The following NTNG1 variants were observed in gnomAD, a reference collection of about 807,000 sequenced individuals.
NTNG1 encodes netrin G1, also known as netrin-G1.
Under a neutral mutation model 54.0 loss-of-function variants are expected in NTNG1, and 16 were observed. The observed-to-expected ratio is 0.30, with a 90% CI of 0.20 to 0.45. The LOEUF (loss-of-function observed/expected upper bound fraction) is 0.45. Among genes scored for constraint, NTNG1 ranks in the 20% least tolerant of loss-of-function variants. NTNG1 has a pLI of 1.00. For synonymous variants in NTNG1, 255 were observed against 263.1 expected (o/e 0.97, Z 0.30); for missense variants, 530 against 678.7 (o/e 0.78, Z 2.43).
intron 2 of NTNG1, among the ~76,000 whole-genome samples, chr1:107,276,889 A>T (rs1455343626): frequency 6.7e-6 from 1 of 150,104 alleles, no homozygotes; most frequent in African/African-American, 2.5e-5. Context: ...TTTATCTTTG[A>T]TGGTGAATAG....
Position 107,168,974 on chromosome 1 carries a change from A to G in NTNG1, c.246+20135A>G, listed in dbSNP as rs1045267406. 8.5e-5 allele frequency among the ~76,000 whole-genome samples: 13 copies of G among 152,270 alleles called. No individual in the cohort carries two copies. In the South Asian group the frequency reaches 1.2e-3, roughly 15 times the overall value. ...CTTTTTCTATTCAATCTGTACCCAT[A>G]TTTAATGTATAGTTAAAATAAAACT... is the stretch of plus-strand genomic sequence containing the variant. On this transcript the variant is annotated intron_variant, in intron 2 of 7. Transcript: ENST00000370068.
intron 5 of NTNG1, among the ~76,000 whole-genome samples, chr1:107,422,090 A>G (rs904383357): frequency 6.6e-6 from 1 of 152,108 alleles, no homozygotes; most frequent in Non-Finnish European, 1.5e-5. Flanking sequence ...AAATGGGAAA[A>G]GGGAAACCAA....
chr1:107,227,465 T>G (rs1660763278), intron 2 of NTNG1, among the ~76,000 whole-genome samples: 2 of 152,138 alleles, frequency 1.3e-5, no homozygotes, highest in African/African-American at 4.8e-5. Context: ...TAACCTTCAT[T>G]ACATTTGTGT....
At chr1:107,239,641 A>T (rs1570933501) in intron 2 of NTNG1, among the ~76,000 whole-genome samples, 1 of 152,174 alleles carries the variant, frequency 6.6e-6, no homozygotes, top group Non-Finnish European at 1.5e-5. Flanking sequence ...AGTCTATCAG[A>T]CCCCTGACTG....
At chr1:107,456,407 A>G (rs1165663973) in intron 7 of NTNG1, among the ~76,000 whole-genome samples, 2 of 152,148 alleles carry the variant, frequency 1.3e-5, no homozygotes, top group African/African-American at 2.4e-5. Flanking sequence ...ACACAGCATG[A>G]GCAAGTTCTG....
chr1:107,225,251 G>A (rs1484699037), intron 2 of NTNG1, among the ~76,000 whole-genome samples: 1 of 152,100 alleles, frequency 6.6e-6, no homozygotes, highest in East Asian at 1.9e-4. Flanking sequence ...TTGGATAGGT[G>A]CTCTCTGGGG....
At position 107,204,513 on chromosome 1, in the gene NTNG1, C is replaced by T. The variant is rs189209986; in HGVS notation, c.246+55674C>T. Among the ~76,000 whole-genome samples the T allele has an allele frequency of 1.2e-3, 184 of 152,168 alleles. 2 individuals carry two copies. The highest frequency in any genetic ancestry group is 6.8e-3 in the Middle Eastern group (2 of 294). ...GGCCTAGCTGATCCCAACCTTCCAG[C>T]CATCTCTGCCAGGGAACCAGGCATG... is the stretch of plus-strand genomic sequence containing the variant. On this transcript the variant is annotated intron_variant, in intron 2 of 7. Transcript: ENST00000370068.
intron 3 of NTNG1, among the ~76,000 whole-genome samples, chr1:107,371,580 T>C (rs965173417): frequency 6.6e-6 from 1 of 152,068 alleles, no homozygotes; most frequent in Admixed American, 6.6e-5. Context: ...AAAAGCCTCA[T>C]ATTTATTAAA....
At position 107,483,399 on chromosome 1, in the gene NTNG1, T is replaced by A. The variant is rs1678844280; in HGVS notation, c.*2559T>A. 6.6e-6 allele frequency: 1 copy of A among 152,254 alleles called. No homozygotes were observed. Among genetic ancestry groups the A allele is most frequent in the South Asian group, 2.1e-4 (1 of 4,830 alleles). 9.4% of individuals were successfully genotyped at this position (152,254 alleles called of 1,614,324 possible). On this transcript the variant is annotated 3_prime_UTR_variant, in exon 8 of 8. Transcript: ENST00000370068. ...ATCTTTCATTCCGTGTATTTAGATA[T>A]AGTTTTCTGAATTTCCTGAAGCGAT... is the stretch of plus-strand genomic sequence containing the variant.
intron 3 of NTNG1, among the ~76,000 whole-genome samples, chr1:107,343,867 G>C (rs191501013): frequency 4.6e-5 from 7 of 152,252 alleles, no homozygotes; most frequent in Admixed American, 4.6e-4. Flanking sequence ...GTTTCCAAAG[G>C]GGGCTGCTGC....
intron 2 of NTNG1, among the ~76,000 whole-genome samples, chr1:107,161,899 T>A (rs1039617296): frequency 2.6e-5 from 4 of 151,626 alleles, no homozygotes; most frequent in Admixed American, 6.6e-5. Context: ...AAATAACACA[T>A]ACTTTTGATT....
At chr1:107,478,109 T>TG (rs1019061291) in intron 7 of NTNG1, among the ~76,000 whole-genome samples, 3 of 152,300 alleles carry the variant, frequency 2.0e-5, no homozygotes, top group Middle Eastern at 3.4e-3. Context: ...GACATGAAGA[T>TG]GGAGCATGAT....
intron 3 of NTNG1, among the ~76,000 whole-genome samples, chr1:107,362,796 A>C (rs749224410): frequency 1.3e-5 from 2 of 152,236 alleles, no homozygotes; most frequent in Non-Finnish European, 2.9e-5. Context: ...AAGCAAAAAT[A>C]GAATAAGGGC....
rs1557878514 is a variant in NTNG1, at chr1:107,297,248, C to CATATATATATATATATATATAT, written c.247-27034_247-27033insATATATATATATATATATATAT. 7.2e-4 allele frequency among the ~76,000 whole-genome samples: 46 copies of CATATATATATATATATATATAT among 63,664 alleles called. 2 individuals are homozygous for CATATATATATATATATATATAT. Among genetic ancestry groups the CATATATATATATATATATATAT allele is most frequent in the African/African-American group, 2.5e-3 (39 of 15,464 alleles). The allele number at this position is 63,664 out of a possible 152,430, so 41.8% of individuals were successfully genotyped here. The stretch of plus-strand genomic sequence containing the variant: ...ATATATATATATATATATATATATG[C>CATATATATATATATATATATAT]GCACACACACACACACACAGCAGTT... On this transcript the variant is annotated intron_variant, in intron 2 of 7. Transcript: ENST00000370068.
chr1:107,458,501 T>A (rs1372712462), intron 7 of NTNG1, among the ~76,000 whole-genome samples: 1 of 152,178 alleles, frequency 6.6e-6, no homozygotes. Flanking sequence ...ACTGCCTTCA[T>A]TGACCATCTG....
intron 2 of NTNG1, among the ~76,000 whole-genome samples, chr1:107,223,364 G>C (rs1660475956): frequency 6.6e-6 from 1 of 152,022 alleles, no homozygotes; most frequent in Non-Finnish European, 1.5e-5. Flanking sequence ...AGTAAAGGAA[G>C]GAGCGAGTGA....
chr1:107,446,412 G>C (rs1271313033), intron 7 of NTNG1, among the ~76,000 whole-genome samples: 1 of 152,074 alleles, frequency 6.6e-6, no homozygotes, highest in African/African-American at 2.4e-5. Context: ...GGATCATTCA[G>C]TTGTATTCTG....
At chr1:107,261,696 A>C (rs1387525370) in intron 2 of NTNG1, among the ~76,000 whole-genome samples, 4 of 152,126 alleles carry the variant, frequency 2.6e-5, no homozygotes, top group Admixed American at 2.6e-4. Context: ...ACAAAAAATT[A>C]GCCGGGCGTG....
At chr1:107,214,489 T>C (rs1659810690) in intron 2 of NTNG1, among the ~76,000 whole-genome samples, 1 of 152,366 alleles carries the variant, frequency 6.6e-6, no homozygotes, top group South Asian at 2.1e-4. Context: ...ATGGTATGTA[T>C]ATAAGCCACA....
Sources: allele counts gnomAD v4.1 joint callset (sites outside exome capture counted in the v4.1 genomes callset), GRCh38; gene constraint gnomAD v4.1.1; transcripts MANE v1.5; gene names NCBI Gene and HGNC (gene_info 2026-07-23, HGNC 2026-07-21).